The following CUX1 variants were observed in gnomAD, a reference collection of about 807,000 sequenced individuals.
CUX1 encodes cut like homeobox 1.
A neutral mutation model predicts 158.8 loss-of-function variants in CUX1; 31 were observed. The ratio of observed to expected loss-of-function variants is 0.20; its 90% CI spans 0.15 to 0.26. CUX1 has a LOEUF of 0.26. Among genes scored for constraint, CUX1 ranks in the 10% least tolerant of loss-of-function variants. The pLI is 1.00. For synonymous variants in CUX1, 879 were observed against 862.1 expected (o/e 1.02, Z -0.34); for missense variants, 1,589 against 2,014.6 (o/e 0.79, Z 4.04).
At chr7:101,871,347 C>T (rs978164370) in intron 1 of CUX1, among the ~76,000 whole-genome samples, 1 of 149,184 alleles carries the variant, frequency 6.7e-6, no homozygotes, top group Non-Finnish European at 1.5e-5. Context: ...TAACACCCAT[C>T]ATAGTGGCAG....
chr7:102,115,800 C>G (rs1313083327), intron 8 of CUX1: 2 of 152,330 alleles, frequency 1.3e-5, no homozygotes, highest in African/African-American at 4.8e-5. Context: ...GAGGTGTCCA[C>G]TACAAGTGTA....
At chr7:101,929,424 T>G (rs979708041) in intron 2 of CUX1, among the ~76,000 whole-genome samples, 1 of 152,156 alleles carries the variant, frequency 6.6e-6, no homozygotes, top group Non-Finnish European at 1.5e-5. Flanking sequence ...TAACTTGTCT[T>G]TCTGGTCAAT....
At chr7:102,122,134 A>G (rs1010051033) in intron 8 of CUX1, among the ~76,000 whole-genome samples, 21 of 152,144 alleles carry the variant, frequency 1.4e-4, no homozygotes, top group African/African-American at 4.8e-4. Flanking sequence ...TTTGAAAGGG[A>G]CAACTTAAGC....
chr7:102,189,691 C>T (rs1554516380), intron 11 of CUX1, 122 bp from the exon 12 acceptor site: 8 of 1,029,424 alleles, frequency 7.8e-6, no homozygotes, highest in Non-Finnish European at 1.0e-5. Context: ...CCGTTGACTC[C>T]ATTCGCAAGG....
chr7:102,206,420 A>G (rs1323160108), intron 20 of CUX1, among the ~76,000 whole-genome samples: 1 of 152,184 alleles, frequency 6.6e-6, no homozygotes, highest in Non-Finnish European at 1.5e-5. Context: ...CGAGTTCAGA[A>G]TACTTCAGGG....
At chr7:102,063,956 G>A (rs764559019) in intron 3 of CUX1, among the ~76,000 whole-genome samples, 31 of 152,206 alleles carry the variant, frequency 2.0e-4, no homozygotes, top group African/African-American at 6.3e-4. Context: ...GAGGGGCCGC[G>A]GCTGGGAGAT....
intron 20 of CUX1, among the ~76,000 whole-genome samples, chr7:102,221,609 A>T (rs1327277971): frequency 1.3e-5 from 2 of 152,000 alleles, no homozygotes; most frequent in Non-Finnish European, 2.9e-5. Flanking sequence ...TGTTTTTGGA[A>T]TATAATATTT....
chr7:102,235,662 A>G (rs1799477781), intron 22 of CUX1, among the ~76,000 whole-genome samples: 1 of 147,550 alleles, frequency 6.8e-6, no homozygotes, highest in Non-Finnish European at 1.5e-5. Flanking sequence ...AGATGACACC[A>G]CTGCACTCCA....
chr7:101,822,281 A>C (rs933481298), intron 1 of CUX1: 1 of 152,236 alleles, frequency 6.6e-6, no homozygotes, highest in Non-Finnish European at 1.5e-5. Context: ...TTCAGAACCA[A>C]GTTTCGATGG....
chr7:102,232,210 G>A (rs987809630), intron 21 of CUX1, among the ~76,000 whole-genome samples: 2 of 151,862 alleles, frequency 1.3e-5, no homozygotes, highest in East Asian at 3.9e-4. Context: ...GCCAGGCGTG[G>A]TGGTGCACAC....
intron 2 of CUX1, among the ~76,000 whole-genome samples, chr7:101,925,985 A>G (rs977776103): frequency 4.6e-5 from 7 of 152,166 alleles, no homozygotes; most frequent in Non-Finnish European, 1.0e-4. Flanking sequence ...CTAAATTAAA[A>G]AAGAATTCCT....
chr7:102,186,593 ATAT>A (rs782105742), intron 11 of CUX1, among the ~76,000 whole-genome samples: 18 of 76,184 alleles, frequency 2.4e-4, no homozygotes, highest in Non-Finnish European at 3.8e-4. Context: ...ATATATATAT[ATAT>A]TTTTTTTTAT....
chr7:102,228,783 G>C (rs899833361), intron 21 of CUX1, among the ~76,000 whole-genome samples: 1 of 152,220 alleles, frequency 6.6e-6, no homozygotes, highest in African/African-American at 2.4e-5. Flanking sequence ...GGACAACACA[G>C]TGAGATTCTG....
At chr7:101,939,815 G>C (rs1469849057) in intron 2 of CUX1, among the ~76,000 whole-genome samples, 1 of 151,784 alleles carries the variant, frequency 6.6e-6, no homozygotes, top group Admixed American at 6.6e-5. Context: ...ACAAAAATTG[G>C]GGCTGAGCGC....
In CUX1 at chr7:102,248,993, G is replaced by A; in HGVS notation, c.4469G>A (p.Arg1490His). The A allele has an allele frequency of 2.1e-6, 3 of 1,416,792 alleles. No homozygotes were observed. The highest frequency in any genetic ancestry group is 2.9e-5 in the East Asian group (1 of 34,242). The allele number at this position is 1,416,792 out of a possible 1,614,324, so 87.8% of individuals were successfully genotyped here. ...GCGAACTTGAACAGCATCATCCACC[G>A]CCTGGAGAAGGCCGCCAGCCGGGAG... Reference protein sequence around the residue: ...KAANLNSIIHRLEKAASREEP... With the variant: ...KAANLNSIIHHLEKAASREEP... The change falls in exon 24 of 24, where the codon CGC (arginine) becomes CAC (histidine). Residue 1490 changes from arginine (R) to histidine (H), a missense_variant. Physicochemically the swap from Arg to His is conservative, Grantham distance 29. Transcript: ENST00000292535. The surrounding 1 kb of genome is among the most constrained non-coding windows in gnomAD (Gnocchi z 5.8).
At chr7:102,099,684 C>T (rs575503919) in intron 5 of CUX1, among the ~76,000 whole-genome samples, 19 of 152,258 alleles carry the variant, frequency 1.2e-4, no homozygotes, top group Non-Finnish European at 2.2e-4. Context: ...GCCTCAGCCT[C>T]CTGAGTAGCT....
At chr7:102,104,975 C>T (rs782032318) in intron 6 of CUX1, among the ~76,000 whole-genome samples, 2 of 152,082 alleles carry the variant, frequency 1.3e-5, no homozygotes, top group Non-Finnish European at 2.9e-5. Context: ...GTCAGGCAGC[C>T]AGTGGGCCCA....
intron 23 of CUX1, among the ~76,000 whole-genome samples, chr7:102,242,177 T>C (rs1191821205): frequency 2.0e-5 from 3 of 151,318 alleles, no homozygotes; most frequent in Non-Finnish European, 2.9e-5. Flanking sequence ...CCAGGTGCCA[T>C]GCTATCCCAT....
intron 8 of CUX1, among the ~76,000 whole-genome samples, chr7:102,128,116 G>A (rs1832843639): frequency 6.6e-6 from 1 of 152,210 alleles, no homozygotes; most frequent in Admixed American, 6.5e-5. Flanking sequence ...GGGATTACAG[G>A]CGTGAGCCAC....
Sources: gnomAD v4.1 joint callset for allele counts (sites outside exome capture counted in the v4.1 genomes callset) on GRCh38, gnomAD v4.1.1 for gene constraint, Gnocchi (gnomAD v3.1) non-coding constraint, MANE v1.5 for transcripts, NCBI Gene and HGNC (gene_info 2026-07-23, HGNC 2026-07-21) for gene names.